NUDC: variants seen among roughly 807,000 people sequenced by gnomAD.
The protein encoded by NUDC is nuclear distribution C, dynein complex regulator, also known as nuclear migration protein nudC.
Under a neutral mutation model 45.0 loss-of-function variants are expected in NUDC, and 14 were observed. That is an observed-to-expected ratio of 0.31 (90% CI 0.21 to 0.49). NUDC has a LOEUF of 0.49. NUDC is among the 20% of genes least tolerant of loss of function. The pLI is 0.99. For synonymous variants in NUDC, 153 were observed against 156.7 expected, an observed-to-expected ratio of 0.98 and a Z score of 0.17; for missense variants, 323 against 426.2, an observed-to-expected ratio of 0.76 and a Z score of 2.13.
intron 4 of NUDC, among the ~76,000 whole-genome samples, chr1:26,942,165 G>GC (rs2082282894): frequency 6.6e-6 from 1 of 151,972 alleles, no homozygotes; most frequent in Non-Finnish European, 1.5e-5. Flanking sequence ...GGTGGTGGGC[G>GC]CCCGTAATCC....
chr1:26,929,176 T>C (rs981755371), intron 2 of NUDC, among the ~76,000 whole-genome samples: 2 of 152,220 alleles, frequency 1.3e-5, no homozygotes, highest in African/African-American at 4.8e-5. Flanking sequence ...CAAATACAGT[T>C]GATCCTTTGT....
intron 2 of NUDC, among the ~76,000 whole-genome samples, chr1:26,903,038 C>T (rs920962256): frequency 6.6e-5 from 10 of 150,428 alleles, no homozygotes; most frequent in East Asian, 1.9e-4. Flanking sequence ...GGCAACAGAG[C>T]GAGACTCTGT....
intron 6 of NUDC, among the ~76,000 whole-genome samples, chr1:26,943,875 C>T (rs1226915268): frequency 6.6e-6 from 1 of 152,088 alleles, no homozygotes; most frequent in African/African-American, 2.4e-5. Flanking sequence ...CACTGGCTGC[C>T]TTCACTCACT....
chr1:26,933,013 G>A (rs1029637575), intron 2 of NUDC, among the ~76,000 whole-genome samples: 2 of 150,856 alleles, frequency 1.3e-5, no homozygotes, highest in African/African-American at 2.4e-5. Context: ...TCTTGCCCAC[G>A]CTGGAGTGCA....
intron 2 of NUDC, among the ~76,000 whole-genome samples, chr1:26,936,144 T>C (rs1489620268): frequency 1.2e-3 from 9 of 7,466 alleles, no homozygotes; most frequent in Non-Finnish European, 2.9e-3. Context: ...AATATATATA[T>C]ATATATATAT....
At position 26,924,124 on chromosome 1, in the gene NUDC, A is replaced by G. The variant is rs1231677000; in HGVS notation, c.117A>G (p.Lys39=). Residue 39 remains lysine (K), a synonymous_variant, in exon 2 of 9, where the codon AAA becomes AAG. Transcript: ENST00000321265. ...CCTTCTTCAGCTTCCTTCGACGCAA[A>G]ACAGACTTTTTCATTGGAGGAGAAG... ...VNTFFSFLRR[K]TDFFIGGEEG... 6.2e-7 allele frequency: 1 copy of G among 1,614,064 alleles called. No individual in the cohort carries two copies. Among genetic ancestry groups the G allele is most frequent in the South Asian group, 1.1e-5 (1 of 91,088 alleles).
At chr1:26,922,105 C>A in intron 1 of NUDC, 176 bp downstream of exon 1, 1 of 661,654 alleles carries the variant, frequency 1.5e-6, no homozygotes, top group Non-Finnish European at 2.6e-6. Flanking sequence ...TCACCCGGTT[C>A]GCATCAGTCC....
intron 2 of NUDC, among the ~76,000 whole-genome samples, chr1:26,903,562 T>A (rs2081989232): frequency 6.6e-6 from 1 of 152,168 alleles, no homozygotes; most frequent in Non-Finnish European, 1.5e-5. Context: ...AGCTATATGA[T>A]GAATTTTAAA....
At position 26,946,371 on chromosome 1, in the gene NUDC, T is replaced by A. The variant is rs1299218582; in HGVS notation, c.*190T>A. 7 of 645,410 alleles carry A rather than the reference T, an allele frequency of 1.1e-5. No homozygotes were observed. Among genetic ancestry groups the A allele is most frequent in the Non-Finnish European group, 2.0e-5 (7 of 357,260 alleles). 40.0% of individuals were successfully genotyped at this position (645,410 alleles called of 1,614,324 possible). A position where few individuals can be genotyped will look rare whatever the true frequency, so the allele number is the denominator to read the frequency against. Reference sequence around the variant, plus strand: ...TTGTCCTCCCCAGTTGGCCTACTGTTACACATTAAAACGATTTGCCCAGCT... The same window carrying A: ...TTGTCCTCCCCAGTTGGCCTACTGTAACACATTAAAACGATTTGCCCAGCT... On this transcript the variant is annotated 3_prime_UTR_variant, in exon 9 of 9. Coordinates refer to ENST00000321265, the MANE Select transcript of NUDC (RefSeq NM_006600.4).
chr1:26,902,122 G>A (rs1383823863), intron 1 of NUDC, among the ~76,000 whole-genome samples: 2 of 152,204 alleles, frequency 1.3e-5, no homozygotes, highest in Admixed American at 1.3e-4. Context: ...CCTTCCCCAA[G>A]TGAGTTAGGT....
chr1:26,900,415 C>A, intron 1 of NUDC: 1 of 1,610,672 alleles, frequency 6.2e-7, no homozygotes, highest in Non-Finnish European at 8.5e-7. Context: ...ACTGTCGCCT[C>A]CTCCTCCGCC....
chr1:26,907,409 G>A (rs1373201142), intron 2 of NUDC, among the ~76,000 whole-genome samples: 1 of 152,170 alleles, frequency 6.6e-6, no homozygotes, highest in African/African-American at 2.4e-5. Flanking sequence ...AGTAAGAAAT[G>A]TATCTTATTT....
chr1:26,914,682 G>A (rs1223486963), intron 3 of NUDC, among the ~76,000 whole-genome samples: 2 of 152,110 alleles, frequency 1.3e-5, no homozygotes, highest in Non-Finnish European at 2.9e-5. Flanking sequence ...AAAGATAGTT[G>A]CCAGCCGGGC....
upstream of NUDC, chr1:26,900,184 G>A: frequency 6.2e-7 from 1 of 1,614,148 alleles, no homozygotes; most frequent in South Asian, 1.1e-5. Context: ...GAGAGAGGCC[G>A]GACATCGGTG....
intron 2 of NUDC, among the ~76,000 whole-genome samples, chr1:26,906,390 C>G (rs994748036): frequency 2.0e-5 from 3 of 152,004 alleles, no homozygotes; most frequent in East Asian, 3.9e-4. Flanking sequence ...CAGGAGGTTG[C>G]AGTGAGCCGA....
chr1:26,946,289 G>A lies in NUDC; in HGVS notation c.*108G>A. 1.1e-5 allele frequency: 11 copies of A among 974,276 alleles called. No homozygotes were observed. In the South Asian group the frequency reaches 1.2e-4, roughly 10 times the overall value. 60.4% of individuals were successfully genotyped at this position (974,276 alleles called of 1,614,324 possible). On this transcript the variant is annotated 3_prime_UTR_variant, in exon 9 of 9. Transcript: ENST00000321265. The stretch of plus-strand genomic sequence containing the variant: ...GCCTCAGGGCTTGGGGCAGGCATGG[G>A]ACTGGCCCAGGCACACAGGTCCCGG...
At chr1:26,930,392 AT>A (rs1345231864) in intron 2 of NUDC, among the ~76,000 whole-genome samples, 1 of 152,116 alleles carries the variant, frequency 6.6e-6, no homozygotes, top group Non-Finnish European at 1.5e-5. Flanking sequence ...CAGGTCTTGA[AT>A]TTCTGATTCT....
At chr1:26,910,396 G>A (rs995226573) in intron 2 of NUDC, among the ~76,000 whole-genome samples, 1 of 152,304 alleles carries the variant, frequency 6.6e-6, no homozygotes, top group Non-Finnish European at 1.5e-5. Flanking sequence ...ACTTGTGAGT[G>A]AGAGGCTGGG....
chr1:26,917,258 A>C (rs2082066379), upstream of NUDC, among the ~76,000 whole-genome samples: 1 of 151,016 alleles, frequency 6.6e-6, no homozygotes, highest in South Asian at 2.1e-4. Context: ...ACCTTGTCTC[A>C]AAATAATAAT....
Sources: allele counts gnomAD v4.1 joint callset (sites outside exome capture counted in the v4.1 genomes callset), GRCh38; gene constraint gnomAD v4.1.1; transcripts MANE v1.5; gene names NCBI Gene and HGNC (gene_info 2026-07-23, HGNC 2026-07-21).